The following PHLPP1 variants were observed in gnomAD, a reference collection of about 807,000 sequenced individuals.
PHLPP1 encodes PH domain and leucine rich repeat protein phosphatase 1.
PHLPP1 carries 42 observed loss-of-function variants against 117.2 expected under a neutral mutation model. The ratio of observed to expected loss-of-function variants is 0.36; its 90% confidence interval spans 0.28 to 0.46. The LOEUF (loss-of-function observed/expected upper bound fraction) is 0.46, where lower values mean the gene tolerates loss of function less well. PHLPP1 is among the 20% of genes least tolerant of loss of function. PHLPP1 has a pLI of 1.00. For missense variants in PHLPP1, 2,084 were observed against 2,241.9 expected, an observed-to-expected ratio of 0.93 and a Z score of 1.42; for synonymous variants, 1,042 against 970.7, an observed-to-expected ratio of 1.07 and a Z score of -1.37.
rs559419230 is a variant in PHLPP1, at chr18:62,879,822, A to G, written c.2067-15189A>G. Among the ~76,000 whole-genome samples the G allele has an allele frequency of 1.8e-3, 277 of 152,330 alleles. 1 individual carries two copies. Among genetic ancestry groups the G allele is most frequent in the Non-Finnish European group, 3.4e-3 (229 of 68,034 alleles). On this transcript the variant is annotated intron_variant, in intron 4 of 16. Transcript: ENST00000262719. ...GTGATGGGGCCCAAGAATCTGCATT[A>G]TAACATTGCATGCTGAAGTTTGAGA...
intron 1 of PHLPP1, among the ~76,000 whole-genome samples, chr18:62,748,630 G>T (rs559397544): frequency 2.4e-4 from 37 of 152,214 alleles, no homozygotes; most frequent in Middle Eastern, 3.4e-3. Flanking sequence ...AGTGACTTCT[G>T]CTTTAGTGGC....
chr18:62,931,142 A>G (rs932347063), intron 10 of PHLPP1, among the ~76,000 whole-genome samples: 3 of 151,834 alleles, frequency 2.0e-5, no homozygotes, highest in Non-Finnish European at 2.9e-5. Context: ...GGTTGCAGTG[A>G]GCCAAGATCA....
intron 3 of PHLPP1, among the ~76,000 whole-genome samples, chr18:62,844,929 G>A (rs1915143134): frequency 1.3e-5 from 2 of 152,174 alleles, no homozygotes; most frequent in Admixed American, 1.3e-4. Context: ...ACATTTCTAA[G>A]TTCAGCATTT....
chr18:62,808,654 C>T (rs563361425), intron 1 of PHLPP1, among the ~76,000 whole-genome samples: 7 of 151,694 alleles, frequency 4.6e-5, no homozygotes, highest in Non-Finnish European at 8.8e-5. Flanking sequence ...TGGGTTCAAG[C>T]GATTCTCCTG....
intron 1 of PHLPP1, among the ~76,000 whole-genome samples, chr18:62,727,163 G>A (rs1247092782): frequency 6.6e-6 from 1 of 150,706 alleles, no homozygotes; most frequent in African/African-American, 2.4e-5. Flanking sequence ...GGGAGGTGAA[G>A]GTTGCAGTGA....
At chr18:62,895,422 T>C (rs541454694) in intron 5 of PHLPP1, among the ~76,000 whole-genome samples, 1 of 152,364 alleles carries the variant, frequency 6.6e-6, no homozygotes, top group East Asian at 1.9e-4. Context: ...GTGGGTTATG[T>C]TCTCATTTTT....
intron 8 of PHLPP1, among the ~76,000 whole-genome samples, chr18:62,912,754 G>A (rs1456221456): frequency 6.6e-6 from 1 of 151,978 alleles, no homozygotes; most frequent in Non-Finnish European, 1.5e-5. Context: ...TGAGCAGCTG[G>A]GATTACAGGC....
At position 62,717,159 on chromosome 18, in the gene PHLPP1, C is replaced by T; in HGVS notation, c.1476C>T (p.Ile492=). 1 of 1,610,300 alleles carries T rather than the reference C, an allele frequency of 6.2e-7. No homozygotes were observed. Among genetic ancestry groups the T allele is most frequent in the Non-Finnish European group, 8.5e-7 (1 of 1,178,140 alleles). ...RLEAEEKPLQ[I]QNDYLFQLGF... The stretch of plus-strand genomic sequence containing the variant: ...AGGCGGAGGAGAAGCCATTGCAGAT[C>T]CAAAATGACTACCTCTTCCAACTGG... Residue 492 remains isoleucine, a synonymous_variant, in exon 1 of 17, where the codon ATC becomes ATT. Coordinates refer to ENST00000262719, the MANE Select transcript of PHLPP1 (RefSeq NM_194449.4).
In PHLPP1 at chr18:62,945,159, A is replaced by C. The variant is rs764653995; in HGVS notation, c.3212A>C (p.Lys1071Thr). Residue 1071 changes from lysine to threonine, a missense_variant, in exon 12 of 17, where the codon AAG becomes ACG. By Grantham distance (78) the Lys-to-Thr change is moderately conservative. Transcript: ENST00000262719. The part of the protein sequence containing the change: ...ELEEIDLSGN[K>T]LKAIPTTIMN... ...GAAGAAATTGATCTCAGTGGGAATA[A>C]GCTGAAAGCCATCCCAACAACGATC... 24 of 1,612,450 alleles carry C rather than the reference A, an allele frequency of 1.5e-5. No homozygotes were observed. The Admixed American group carries it at 3.9e-4, about 26-fold the overall frequency.
At chr18:62,725,666 G>A in intron 1 of PHLPP1, among the ~76,000 whole-genome samples, 1 of 152,010 alleles carries the variant, frequency 6.6e-6, no homozygotes, top group East Asian at 1.9e-4. Context: ...GAAATATCCT[G>A]CTCTCATTAG....
At chr18:62,891,900 A>G (rs1916423828) in intron 4 of PHLPP1, among the ~76,000 whole-genome samples, 1 of 144,296 alleles carries the variant, frequency 6.9e-6, no homozygotes, top group South Asian at 2.1e-4. Context: ...AAAAAAAAAA[A>G]AAAAAAAAAA....
chr18:62,932,301 C>A (rs1302633615), intron 10 of PHLPP1, among the ~76,000 whole-genome samples: 2 of 120,266 alleles, frequency 1.7e-5, no homozygotes, highest in African/African-American at 5.9e-5. Flanking sequence ...ATACCAAAAT[C>A]TGACAAGGAT....
chr18:62,738,513 A>C (rs1034937168), intron 1 of PHLPP1, among the ~76,000 whole-genome samples: 1 of 152,234 alleles, frequency 6.6e-6, no homozygotes, highest in African/African-American at 2.4e-5. Flanking sequence ...GATATGCATA[A>C]GTTATATACA....
intron 1 of PHLPP1, among the ~76,000 whole-genome samples, chr18:62,829,580 C>T (rs1054436547): frequency 3.9e-5 from 6 of 152,152 alleles, no homozygotes; most frequent in African/African-American, 7.2e-5. Flanking sequence ...GGTGAAACCC[C>T]GTCTCTACTA....
intron 4 of PHLPP1, among the ~76,000 whole-genome samples, chr18:62,891,225 T>C (rs1206524915): frequency 6.6e-6 from 1 of 152,226 alleles, no homozygotes; most frequent in Non-Finnish European, 1.5e-5. Context: ...CTCTCAAATA[T>C]TGAGGACCTT....
intron 4 of PHLPP1, among the ~76,000 whole-genome samples, chr18:62,872,138 A>G (rs1411258138): frequency 6.6e-6 from 1 of 152,212 alleles, no homozygotes; most frequent in African/African-American, 2.4e-5. Context: ...TTACATGTGC[A>G]TAGGAACCCC....
chr18:62,783,523 C>T (rs111428599), intron 1 of PHLPP1, among the ~76,000 whole-genome samples: 48 of 152,182 alleles, frequency 3.2e-4, no homozygotes, highest in African/African-American at 1.0e-3. Flanking sequence ...CCACCACACC[C>T]AGCCCACAAG....
intron 1 of PHLPP1, among the ~76,000 whole-genome samples, chr18:62,812,518 A>T (rs1356586022): frequency 6.6e-6 from 1 of 152,184 alleles, no homozygotes; most frequent in Non-Finnish European, 1.5e-5. Flanking sequence ...GACCTTAGAC[A>T]TTCCAAGAGT....
At chr18:62,775,148 A>G (rs1912910741) in intron 1 of PHLPP1, among the ~76,000 whole-genome samples, 1 of 152,096 alleles carries the variant, frequency 6.6e-6, no homozygotes, top group East Asian at 1.9e-4. Flanking sequence ...TCCAGGCTGG[A>G]GTGCAGTGGC....
Sources: gnomAD v4.1 joint callset for allele counts (sites outside exome capture counted in the v4.1 genomes callset) on GRCh38, gnomAD v4.1.1 for gene constraint, MANE v1.5 for transcripts, NCBI Gene and HGNC (gene_info 2026-07-23, HGNC 2026-07-21) for gene names.